KIRREL3: variants seen among roughly 807,000 people sequenced by gnomAD.
KIRREL3 encodes kin of IRRE-like protein 3.
In KIRREL3, 36 loss-of-function variants were observed where a neutral mutation model predicts 89.7. The observed-to-expected ratio is 0.40, with a 90% CI of 0.31 to 0.53. The LOEUF (loss-of-function observed/expected upper bound fraction) is 0.53, where lower values mean the gene tolerates loss of function less well. KIRREL3 is among the 20% of genes least tolerant of loss of function. The pLI is 0.49. For synonymous variants in KIRREL3, 445 were observed against 441.4 expected (o/e 1.01, Z -0.10); for missense variants, 864 against 1,056.6 (o/e 0.82, Z 2.53).
chr11:126,480,281 T>C (rs1157320470), intron 4 of KIRREL3, among the ~76,000 whole-genome samples: 1 of 152,194 alleles, frequency 6.6e-6, no homozygotes, highest in Non-Finnish European at 1.5e-5. Context: ...TACCTTACAA[T>C]ATGAAAGATA....
In KIRREL3 at chr11:126,558,839, T is replaced by C. The variant is rs919046787; in HGVS notation, c.133+3996A>G. On this transcript the variant is annotated intron_variant, in intron 2 of 16. Coordinates refer to ENST00000525144, the MANE Select transcript of KIRREL3 (RefSeq NM_032531.4). This position sits in a 1 kb window ranked among gnomAD's most constrained non-coding sequence, Gnocchi z 4.0. ...GTGCGTGTGTGCACACATGTGGGTGTATGTGTGCATGTGTATACATGTGTG... is the reference window on the plus strand; with the variant it reads ...GTGCGTGTGTGCACACATGTGGGTGCATGTGTGCATGTGTATACATGTGTG... 6.6e-6 allele frequency among the ~76,000 whole-genome samples: 1 copy of C among 152,082 alleles called. No individual in the cohort carries two copies. Among genetic ancestry groups the C allele is most frequent in the Admixed American group, 6.5e-5 (1 of 15,286 alleles).
At position 126,811,481 on chromosome 11, in the gene KIRREL3, A is replaced by G. The variant is rs1951385661; in HGVS notation, c.55+188974T>C. Among the ~76,000 whole-genome samples the G allele has an allele frequency of 6.6e-6, 1 of 152,230 alleles. No individual in the cohort carries two copies. Among genetic ancestry groups the G allele is most frequent in the Non-Finnish European group, 1.5e-5 (1 of 68,042 alleles). ...ATTCTCATAGCTGTTGACAAACTGG[A>G]CAGATACATGAGTAATGAATAGGAA... On this transcript the variant is annotated intron_variant, in intron 1 of 16. Transcript: ENST00000525144. The surrounding 1 kb of genome is among the most constrained non-coding windows in gnomAD (Gnocchi z 4.3).
In KIRREL3 at chr11:126,683,598, A is replaced by G. The variant is rs1003892322; in HGVS notation, c.56-120686T>C. 3.3e-5 allele frequency among the ~76,000 whole-genome samples: 5 copies of G among 152,212 alleles called. No homozygotes were observed. The highest frequency in any genetic ancestry group is 3.3e-4 in the Admixed American group (5 of 15,278). On this transcript the variant is annotated intron_variant, in intron 1 of 16. Transcript: ENST00000525144. The surrounding 1 kb of genome is among the most constrained non-coding windows in gnomAD (Gnocchi z 5.2). The stretch of plus-strand genomic sequence containing the variant: ...GTGATGCTCAGCACATTGCCTGACA[A>G]TACTAAGTGTTCAACCAATGCTCAT...
chr11:126,564,104 G>T lies in KIRREL3; in HGVS notation c.56-1192C>A, dbSNP rs1454505932. ...ATGACTGCAGCTCTTCCTGGCCCTT[G>T]CCAGGGTTTCTGGGCTCCTCCCTGC... On this transcript the variant is annotated intron_variant, in intron 1 of 16. Coordinates refer to ENST00000525144, the MANE Select transcript of KIRREL3 (RefSeq NM_032531.4). The surrounding 1 kb of genome is among the most constrained non-coding windows in gnomAD (Gnocchi z 7.4). 6.6e-6 allele frequency among the ~76,000 whole-genome samples: 1 copy of T among 152,246 alleles called. No homozygotes were observed. Among genetic ancestry groups the T allele is most frequent in the Non-Finnish European group, 1.5e-5 (1 of 68,044 alleles).
In KIRREL3 at chr11:126,870,344, C is replaced by T. The variant is rs377080257; in HGVS notation, c.55+130111G>A. Reference sequence around the variant, plus strand: ...ATCAATATGAAAGGCAGTGCAGGAGCCAGGCTGGATTCCAATGCTGTGGCT... The same window carrying T: ...ATCAATATGAAAGGCAGTGCAGGAGTCAGGCTGGATTCCAATGCTGTGGCT... On this transcript the variant is annotated intron_variant, in intron 1 of 16. Coordinates refer to ENST00000525144, the MANE Select transcript of KIRREL3 (RefSeq NM_032531.4). This position sits in a 1 kb window ranked among gnomAD's most constrained non-coding sequence, Gnocchi z 4.4. Among the ~76,000 whole-genome samples the T allele has an allele frequency of 4.9e-4, 74 of 152,334 alleles. No homozygotes were observed. Among genetic ancestry groups the T allele is most frequent in the East Asian group, 2.5e-3 (13 of 5,164 alleles).
intron 1 of KIRREL3, among the ~76,000 whole-genome samples, chr11:126,582,492 A>G (rs1941604036): frequency 6.6e-6 from 1 of 152,118 alleles, no homozygotes; most frequent in South Asian, 2.1e-4. Context: ...AGAAAATGAA[A>G]CCCAGTGAAG....
rs184525212 is a variant in KIRREL3 at position 126,722,303 on chromosome 11, C to G, written c.56-159391G>C. Among the ~76,000 whole-genome samples the G allele has an allele frequency of 3.9e-5, 6 of 152,362 alleles. No homozygotes were observed. In the East Asian group the frequency reaches 9.7e-4, roughly 25 times the overall value. ...CCTTCTCCTGGCCATCTGCATGGTT[C>G]ACTCCCTCACTTCCTACAGGAAGTC... On this transcript the variant is annotated intron_variant, in intron 1 of 16. Coordinates refer to ENST00000525144, the MANE Select transcript of KIRREL3 (RefSeq NM_032531.4).
Position 126,752,512 on chromosome 11 carries a change from C to T in KIRREL3, c.56-189600G>A, listed in dbSNP as rs1487932444. 1.3e-5 allele frequency among the ~76,000 whole-genome samples: 2 copies of T among 152,134 alleles called. No individual in the cohort carries two copies. The highest frequency in any genetic ancestry group is 6.5e-5 in the Admixed American group (1 of 15,268). Reference sequence around the variant, plus strand: ...TTATTCTTACAGCGGAATAAGACCACTGAGTGTTGTTCTTGAAAACTGATG... The same window carrying T: ...TTATTCTTACAGCGGAATAAGACCATTGAGTGTTGTTCTTGAAAACTGATG... On this transcript the variant is annotated intron_variant, in intron 1 of 16. Coordinates refer to ENST00000525144, the MANE Select transcript of KIRREL3 (RefSeq NM_032531.4). The surrounding 1 kb of genome is among the most constrained non-coding windows in gnomAD (Gnocchi z 4.8).
intron 1 of KIRREL3, among the ~76,000 whole-genome samples, chr11:126,663,210 G>A (rs1346685074): frequency 7.9e-6 from 1 of 126,698 alleles, no homozygotes; most frequent in Non-Finnish European, 1.6e-5. Flanking sequence ...TTTTGAGATG[G>A]AGTCTCGCTC....
At chr11:126,644,984 GC>G (rs1338255206) in intron 1 of KIRREL3, among the ~76,000 whole-genome samples, 1 of 152,200 alleles carries the variant, frequency 6.6e-6, no homozygotes. Flanking sequence ...TAAAATCTAT[GC>G]CCTGGAAGAG....
Position 126,981,041 on chromosome 11 carries a change from G to A in KIRREL3, c.55+19414C>T, listed in dbSNP as rs184670455. 2.6e-5 allele frequency among the ~76,000 whole-genome samples: 4 copies of A among 152,238 alleles called. No individual in the cohort carries two copies. The highest frequency in any genetic ancestry group is 4.4e-5 in the Non-Finnish European group (3 of 68,004). ...GATGGTATACTTAGATCTCTGTACC[G>A]TGGACTATCATTATTCAATTTAAAT... On this transcript the variant is annotated intron_variant, in intron 1 of 16. Transcript: ENST00000525144. The surrounding 1 kb of genome is among the most constrained non-coding windows in gnomAD (Gnocchi z 4.2).
At chr11:126,937,705 C>T (rs943145604) in intron 1 of KIRREL3, among the ~76,000 whole-genome samples, 1 of 151,966 alleles carries the variant, frequency 6.6e-6, no homozygotes, top group Non-Finnish European at 1.5e-5. Flanking sequence ...CAAGACCATC[C>T]TGGCTAACAC....
At chr11:126,964,580 G>T (rs1384178901) in intron 1 of KIRREL3, among the ~76,000 whole-genome samples, 1 of 152,058 alleles carries the variant, frequency 6.6e-6, no homozygotes, top group African/African-American at 2.4e-5. Context: ...CTGCACAAAT[G>T]CCCAGGGGTA....
intron 1 of KIRREL3, among the ~76,000 whole-genome samples, chr11:126,911,819 T>G (rs1383109692): frequency 6.6e-6 from 1 of 151,210 alleles, no homozygotes; most frequent in Non-Finnish European, 1.5e-5. Context: ...CTGTCTCTAC[T>G]AAAAATCCAA....
chr11:126,479,211 C>T (rs1157739136), intron 4 of KIRREL3, among the ~76,000 whole-genome samples: 5 of 152,056 alleles, frequency 3.3e-5, no homozygotes, highest in South Asian at 2.1e-4. Context: ...GGGAGGATGC[C>T]GAAGCCTCGG....
upstream of KIRREL3, chr11:127,003,146 G>A (rs1950344852): frequency 6.6e-6 from 1 of 152,032 alleles, no homozygotes. Flanking sequence ...TGGATTAAGT[G>A]ATGAGCTGCC....
At chr11:126,804,038 ATGTT>A (rs1399590657) in intron 1 of KIRREL3, among the ~76,000 whole-genome samples, 5 of 152,304 alleles carry the variant, frequency 3.3e-5, no homozygotes, top group Admixed American at 6.5e-5. Flanking sequence ...TGTGTCATCT[ATGTT>A]TGTAAGTATG....
intron 1 of KIRREL3, among the ~76,000 whole-genome samples, chr11:126,675,887 C>T (rs1214980339): frequency 6.6e-6 from 1 of 152,046 alleles, no homozygotes; most frequent in Non-Finnish European, 1.5e-5. Context: ...CAGCAGTAAT[C>T]CAAGCAGAGA....
At chr11:126,926,624 G>C (rs1592381389) in intron 1 of KIRREL3, among the ~76,000 whole-genome samples, 1 of 152,170 alleles carries the variant, frequency 6.6e-6, no homozygotes, top group Admixed American at 6.5e-5. Context: ...TGCTGCCAGA[G>C]CTCTGCCTGG....
Sources: gnomAD v4.1 joint callset for allele counts (sites outside exome capture counted in the v4.1 genomes callset) on GRCh38, gnomAD v4.1.1 for gene constraint, Gnocchi (gnomAD v3.1) non-coding constraint, MANE v1.5 for transcripts, NCBI Gene and HGNC (gene_info 2026-07-23, HGNC 2026-07-21) for gene names.